ICA1L: variants seen among roughly 807,000 people sequenced by gnomAD.
The protein encoded by ICA1L is islet cell autoantigen 1-like protein.
Under a neutral mutation model 61.3 loss-of-function variants are expected in ICA1L, and 50 were observed. That is an observed-to-expected ratio of 0.82 (90% confidence interval 0.65 to 1.03). The LOEUF is 1.03. ICA1L is among the 50% of genes least tolerant of loss of function. The pLI is 0.00. For synonymous variants in ICA1L, 161 were observed against 191.3 expected, an observed-to-expected ratio of 0.84 and a Z score of 1.31; for missense variants, 508 against 556.7, an observed-to-expected ratio of 0.91 and a Z score of 0.88.
chr2:202,780,031 G>T (rs1400334746), intron 12 of ICA1L, among the ~76,000 whole-genome samples: 1 of 152,108 alleles, frequency 6.6e-6, no homozygotes, highest in Non-Finnish European at 1.5e-5. Flanking sequence ...TCTGAGAAAG[G>T]AATTGAGTTA....
rs759967518 is a variant in ICA1L, at chr2:202,821,374, A to G, written c.343T>C (p.Ser115Pro). 6.2e-7 allele frequency: 1 copy of G among 1,613,572 alleles called. No individual in the cohort carries two copies. The highest frequency in any genetic ancestry group is 1.3e-5 in the African/African-American group (1 of 75,006). Residue 115 changes from serine (S) to proline (P), a missense_variant, in exon 4 of 13, where the codon TCT becomes CCT. Physicochemically the swap from Ser to Pro is moderately conservative, Grantham distance 74. Transcript: ENST00000358299. ...MMDATGKALC[S>P]SAKQRLALCT... Reference sequence around the variant, plus strand: ...ATGGTAAACCTTTGCTTGGCTGAAGAACAAAGTGCCTTGCCAGTGGCATCC... The same window carrying G: ...ATGGTAAACCTTTGCTTGGCTGAAGGACAAAGTGCCTTGCCAGTGGCATCC...
At chr2:202,841,488 G>C (rs72932801) in intron 1 of ICA1L, 1 of 788,968 alleles carries the variant, frequency 1.3e-6, no homozygotes. Flanking sequence ...ATTTGTTGTT[G>C]AGGGTCCTTC....
chr2:202,782,390 T>G (rs1190840631), intron 12 of ICA1L, among the ~76,000 whole-genome samples: 1 of 151,578 alleles, frequency 6.6e-6, no homozygotes, highest in Non-Finnish European at 1.5e-5. Context: ...TTAATTTTTT[T>G]GTTGTTGTTT....
intron 1 of ICA1L, among the ~76,000 whole-genome samples, chr2:202,862,470 TA>T (rs958392396): frequency 6.6e-6 from 1 of 151,666 alleles, no homozygotes; most frequent in African/African-American, 2.4e-5. Flanking sequence ...TAAAAAAAAG[TA>T]AAAAGTTTTA....
In ICA1L at chr2:202,825,816, A is replaced by G. The variant is rs1383016452; in HGVS notation, c.163-49T>C. On this transcript the variant is annotated intron_variant, in intron 2 of 12. Transcript: ENST00000358299. ...ACAATTTAAAGAACTATAAACAAATATATGTTATAAGCACCCCAAAAGCAT... is the reference window on the plus strand; with the variant it reads ...ACAATTTAAAGAACTATAAACAAATGTATGTTATAAGCACCCCAAAAGCAT... 12 of 1,150,112 alleles carry G rather than the reference A, an allele frequency of 1.0e-5. No individual in the cohort carries two copies. The Admixed American group carries it at 2.4e-4, about 23-fold the overall frequency. The allele number at this position is 1,150,112 out of a possible 1,614,324, so 71.2% of individuals were successfully genotyped here.
At chr2:202,850,324 T>C (rs1165407749) in intron 1 of ICA1L, among the ~76,000 whole-genome samples, 1 of 152,160 alleles carries the variant, frequency 6.6e-6, no homozygotes, top group Non-Finnish European at 1.5e-5. Flanking sequence ...AGAAGGTGGA[T>C]AGTAACAAAC....
At chr2:202,825,637 A>T in intron 3 of ICA1L, 58 bp downstream of exon 3, 3 of 1,349,382 alleles carry the variant, frequency 2.2e-6, no homozygotes, top group Non-Finnish European at 3.0e-6. Flanking sequence ...TTCATTTTAA[A>T]AAATGCTAAT....
chr2:202,774,328 C>T lies in ICA1L; in HGVS notation c.*5205G>A, dbSNP rs1692149988. 2.1e-6 allele frequency: 3 copies of T among 1,434,778 alleles called. No individual in the cohort carries two copies. Among genetic ancestry groups the T allele is most frequent in the Non-Finnish European group, 2.7e-6 (3 of 1,103,806 alleles). The allele number at this position is 1,434,778 out of a possible 1,614,324, so 88.9% of individuals were successfully genotyped here. A position where few individuals can be genotyped will look rare whatever the true frequency, so the allele number is the denominator to read the frequency against. On this transcript the variant is annotated 3_prime_UTR_variant, in exon 13 of 13. Coordinates refer to ENST00000358299, the MANE Select transcript of ICA1L (RefSeq NM_001288622.3). ...ACGGCGGCGCGCGCGTTCCCCGCAG[C>T]GCTGAGGCGAGCCTGCCGCGCGCTC...
At chr2:202,830,176 G>A (rs190420849) in intron 1 of ICA1L, among the ~76,000 whole-genome samples, 22 of 152,282 alleles carry the variant, frequency 1.4e-4, no homozygotes, top group Middle Eastern at 3.4e-3. Context: ...GGCAGATGCC[G>A]AGGTGAGTGG....
intron 12 of ICA1L, among the ~76,000 whole-genome samples, chr2:202,782,325 A>G (rs1692433097): frequency 6.6e-6 from 1 of 152,046 alleles, no homozygotes; most frequent in South Asian, 2.1e-4. Flanking sequence ...AGCCTTGGTG[A>G]GAGAGCACAA....
intron 9 of ICA1L, among the ~76,000 whole-genome samples, chr2:202,811,318 C>T (rs535737307): frequency 6.6e-5 from 10 of 152,042 alleles, no homozygotes; most frequent in Admixed American, 6.6e-4. Context: ...TGAATTTCGC[C>T]TGATAAAAAA....
chr2:202,808,298 A>G (rs142446723), intron 9 of ICA1L, among the ~76,000 whole-genome samples: 14 of 152,220 alleles, frequency 9.2e-5, no homozygotes, highest in African/African-American at 3.4e-4. Flanking sequence ...CTGACTGAAG[A>G]GCCTTTGGGC....
chr2:202,845,047 C>T (rs191235315), intron 1 of ICA1L, among the ~76,000 whole-genome samples: 6 of 152,304 alleles, frequency 3.9e-5, no homozygotes, highest in Middle Eastern at 3.4e-3. Flanking sequence ...TATGTCATCA[C>T]ATTGTCTTAT....
chr2:202,844,233 A>G (rs1357455382), intron 1 of ICA1L: 1 of 152,108 alleles, frequency 6.6e-6, no homozygotes, highest in East Asian at 1.9e-4. Context: ...AAAATTAGCC[A>G]TACATTGTGG....
At chr2:202,780,615 C>T (rs1236841504) in intron 12 of ICA1L, among the ~76,000 whole-genome samples, 1 of 152,152 alleles carries the variant, frequency 6.6e-6, no homozygotes, top group Non-Finnish European at 1.5e-5. Context: ...AAACCAGAGT[C>T]ACAGTGTGGA....
intron 1 of ICA1L, among the ~76,000 whole-genome samples, chr2:202,867,348 A>T (rs572157410): frequency 1.3e-5 from 2 of 152,332 alleles, no homozygotes; most frequent in South Asian, 4.1e-4. Context: ...GAATGTACTT[A>T]TACAAACCTA....
intron 1 of ICA1L, among the ~76,000 whole-genome samples, chr2:202,852,152 A>G (rs1694643575): frequency 6.6e-6 from 1 of 152,140 alleles, no homozygotes; most frequent in African/African-American, 2.4e-5. Flanking sequence ...CTAACATTTC[A>G]GTCTTTACTA....
At position 202,838,230 on chromosome 2, in the gene ICA1L, C is replaced by T. The variant is rs559545544; in HGVS notation, c.-7-9214G>A. Among the ~76,000 whole-genome samples, 244 of 152,128 alleles carry T rather than the reference C, an allele frequency of 1.6e-3. 1 individual carries two copies. The highest frequency in any genetic ancestry group is 3.0e-3 in the Non-Finnish European group (204 of 67,996). ...GTTTAGGATCATGATGTTTAATTTCCACATATTTGTGAATTTTCAAATGTT... is the reference window on the plus strand; with the variant it reads ...GTTTAGGATCATGATGTTTAATTTCTACATATTTGTGAATTTTCAAATGTT... On this transcript the variant is annotated intron_variant, in intron 1 of 12. Transcript: ENST00000358299.
At chr2:202,852,403 GCTTACAC>G (rs1180513848) in intron 1 of ICA1L, among the ~76,000 whole-genome samples, 2 of 152,038 alleles carry the variant, frequency 1.3e-5, no homozygotes, top group African/African-American at 2.4e-5. Context: ...GGGTGCGGTG[GCTTACAC>G]CTGTAATCCC....
Sources: allele counts gnomAD v4.1 joint callset (sites outside exome capture counted in the v4.1 genomes callset), GRCh38; gene constraint gnomAD v4.1.1; transcripts MANE v1.5; gene names NCBI Gene and HGNC (gene_info 2026-07-23, HGNC 2026-07-21).